The following PPM1B variants were observed in gnomAD, a reference collection of about 807,000 sequenced individuals.
PPM1B encodes protein phosphatase, Mg2+/Mn2+ dependent 1B.
PPM1B carries 22 observed loss-of-function variants against 43.0 expected under a neutral mutation model. The observed-to-expected ratio is 0.51, with a 90% CI of 0.37 to 0.73. The LOEUF (loss-of-function observed/expected upper bound fraction) is 0.73. Ranked by LOEUF, PPM1B falls within the 30% of genes least tolerant of loss-of-function variation. The probability of loss-of-function intolerance (pLI) is 0.00; values close to 1 mark genes in which losing one functional copy is unlikely to be tolerated. For synonymous variants in PPM1B, 217 were observed against 197.9 expected, an observed-to-expected ratio of 1.10 and a Z score of -0.81; for missense variants, 632 against 584.2, an observed-to-expected ratio of 1.08 and a Z score of -0.84.
intron 5 of PPM1B, among the ~76,000 whole-genome samples, chr2:44,240,644 C>T (rs13415733): frequency 1.4e-5 from 2 of 145,314 alleles, no homozygotes; most frequent in East Asian, 4.1e-4. Flanking sequence ...GTGCTTCACC[C>T]TGGTCCCAGA....
At chr2:44,197,255 G>C (rs756501022) in intron 1 of PPM1B, among the ~76,000 whole-genome samples, 1 of 152,012 alleles carries the variant, frequency 6.6e-6, no homozygotes, top group African/African-American at 2.4e-5. Flanking sequence ...GAGTAACCCA[G>C]GCTACAGCCG....
rs530027838 is a variant in PPM1B at position 44,226,132 on chromosome 2, C to T, written c.1135-4281C>T. On this transcript the variant is annotated intron_variant, in intron 5 of 5. Coordinates refer to ENST00000282412, the MANE Select transcript of PPM1B (RefSeq NM_002706.6). ...CTGGGACGACAGGTGCCCGCCACCA[C>T]GCCCAGCTAACTTTTTGTATTTTTA... 7.9e-5 allele frequency among the ~76,000 whole-genome samples: 12 copies of T among 152,092 alleles called. No individual in the cohort carries two copies. In the East Asian group the frequency reaches 1.7e-3, roughly 22 times the overall value.
chr2:44,213,469 G>GTATAA (rs1669578152), intron 3 of PPM1B, among the ~76,000 whole-genome samples: 1 of 151,856 alleles, frequency 6.6e-6, no homozygotes, highest in Admixed American at 6.6e-5. Context: ...TTTGTATATA[G>GTATAA]TAGGCCACAG....
chr2:44,204,316 T>G (rs184339867), intron 2 of PPM1B, among the ~76,000 whole-genome samples: 299 of 152,308 alleles, frequency 2.0e-3, no homozygotes, highest in African/African-American at 6.9e-3. Context: ...TCAGAAAAAT[T>G]GTAAGTTAAA....
intron 3 of PPM1B, among the ~76,000 whole-genome samples, chr2:44,215,153 A>G (rs1046376101): frequency 9.2e-5 from 14 of 152,250 alleles, no homozygotes; most frequent in Admixed American, 9.2e-4. Context: ...ATTGTTAGCT[A>G]GGCAGCCACT....
intron 1 of PPM1B, among the ~76,000 whole-genome samples, chr2:44,182,340 A>ACCTCCG (rs1667914272): frequency 6.6e-6 from 1 of 151,846 alleles, no homozygotes; most frequent in Admixed American, 6.6e-5. Flanking sequence ...GCTCATCGCC[A>ACCTCCG]CCTCCGCCTC....
At chr2:44,189,297 G>T (rs1244390045) in intron 1 of PPM1B, among the ~76,000 whole-genome samples, 3 of 152,156 alleles carry the variant, frequency 2.0e-5, no homozygotes, top group Non-Finnish European at 2.9e-5. Flanking sequence ...TTGTCTGTAT[G>T]AGAGGAGACT....
chr2:44,187,952 A>C (rs981909384), intron 1 of PPM1B, among the ~76,000 whole-genome samples: 1 of 152,088 alleles, frequency 6.6e-6, no homozygotes, highest in Non-Finnish European at 1.5e-5. Context: ...GGGTTTCACC[A>C]TGTTAGCCAG....
chr2:44,188,049 C>G (rs1668212053), intron 1 of PPM1B, among the ~76,000 whole-genome samples: 1 of 152,158 alleles, frequency 6.6e-6, no homozygotes, highest in Non-Finnish European at 1.5e-5. Flanking sequence ...CGCACCCAGC[C>G]TTCACCTTTA....
chr2:44,181,751 A>G (rs1452773366), intron 1 of PPM1B, among the ~76,000 whole-genome samples: 1 of 152,188 alleles, frequency 6.6e-6, no homozygotes, highest in East Asian at 1.9e-4. Context: ...TGATTATGTT[A>G]TATTTGAAGA....
At chr2:44,199,895 A>G (rs1400558289) in intron 1 of PPM1B, among the ~76,000 whole-genome samples, 3 of 152,158 alleles carry the variant, frequency 2.0e-5, no homozygotes, top group Non-Finnish European at 4.4e-5. Flanking sequence ...ATTTTTTTAA[A>G]TGGCGATATG....
chr2:44,209,148 G>A (rs567598962), intron 2 of PPM1B, 62 bp from the exon 3 acceptor site: 3 of 1,345,014 alleles, frequency 2.2e-6, no homozygotes, highest in Non-Finnish European at 3.0e-6. Context: ...AAAGTATTTT[G>A]AAGTAAATAA....
At chr2:44,172,225 A>G (rs1264913715) in intron 1 of PPM1B, among the ~76,000 whole-genome samples, 1 of 152,146 alleles carries the variant, frequency 6.6e-6, no homozygotes, top group African/African-American at 2.4e-5. Flanking sequence ...TCCCTTGCTG[A>G]ATTAATTTCA....
intron 5 of PPM1B, among the ~76,000 whole-genome samples, chr2:44,223,262 A>C (rs1670055301): frequency 6.6e-6 from 1 of 152,182 alleles, no homozygotes; most frequent in South Asian, 2.1e-4. Flanking sequence ...GGTTTAAGGC[A>C]TTTTGATCTT....
At chr2:44,237,051 C>T (rs1234076252), downstream of PPM1B, among the ~76,000 whole-genome samples, 1 of 152,126 alleles carries the variant, frequency 6.6e-6, no homozygotes, top group African/African-American at 2.4e-5. Flanking sequence ...TGAATTCAAG[C>T]AATGATTTAA....
intron 2 of PPM1B, among the ~76,000 whole-genome samples, chr2:44,205,950 A>AT (rs1176126630): frequency 6.6e-6 from 1 of 152,200 alleles, no homozygotes; most frequent in East Asian, 1.9e-4. Context: ...TGGGATGCAG[A>AT]GGTTGCAGTG....
chr2:44,175,345 C>T (rs1667532561), intron 1 of PPM1B, among the ~76,000 whole-genome samples: 1 of 152,150 alleles, frequency 6.6e-6, no homozygotes, highest in Non-Finnish European at 1.5e-5. Context: ...CTTTGGGAGG[C>T]TTTCTGCTTT....
chr2:44,215,178 G>A (rs1438770857), intron 3 of PPM1B, among the ~76,000 whole-genome samples: 1 of 152,178 alleles, frequency 6.6e-6, no homozygotes, highest in East Asian at 1.9e-4. Context: ...ATCAATTTAA[G>A]TTGGTACTTA....
downstream of PPM1B, among the ~76,000 whole-genome samples, chr2:44,237,360 C>T (rs1413174375): frequency 6.6e-6 from 1 of 152,208 alleles, no homozygotes; most frequent in Non-Finnish European, 1.5e-5. Flanking sequence ...CAGGCAGCAT[C>T]ACCGCCATTT....
Sources: allele counts gnomAD v4.1 joint callset (sites outside exome capture counted in the v4.1 genomes callset), GRCh38; gene constraint gnomAD v4.1.1; transcripts MANE v1.5; gene names NCBI Gene and HGNC (gene_info 2026-07-23, HGNC 2026-07-21).